Variants in CDH18 observed in about 807,000 individuals in gnomAD.
CDH18 encodes the protein cadherin 18, also known as cadherin-18.
Under a neutral mutation model 67.9 loss-of-function variants are expected in CDH18, and 31 were observed. That is an observed-to-expected ratio of 0.46 (90% CI 0.34 to 0.62). CDH18 has a LOEUF of 0.62. Ranked by LOEUF, CDH18 falls within the 20% of genes least tolerant of loss-of-function variation. The pLI is 0.01. For missense variants in CDH18, 890 were observed against 975.5 expected (o/e 0.91, Z 1.17); for synonymous variants, 362 against 347.2 (o/e 1.04, Z -0.48).
chr5:19,865,638 A>C (rs1785398820), intron 2 of CDH18, among the ~76,000 whole-genome samples: 1 of 151,982 alleles, frequency 6.6e-6, no homozygotes, highest in South Asian at 2.1e-4. Flanking sequence ...CCAGGTGCTT[A>C]ATGCTCATTA....
chr5:19,853,981 A>G (rs921745712), intron 2 of CDH18, among the ~76,000 whole-genome samples: 2 of 152,130 alleles, frequency 1.3e-5, no homozygotes, highest in Non-Finnish European at 2.9e-5. Context: ...CGTGGCACAA[A>G]TGTGATAAGC....
At chr5:20,415,907 C>T (rs1747266154) in intron 1 of CDH18, among the ~76,000 whole-genome samples, 1 of 152,100 alleles carries the variant, frequency 6.6e-6, no homozygotes, top group African/African-American at 2.4e-5. Context: ...AAATGCTACA[C>T]TATTCCATTT....
chr5:19,823,269 G>A (rs985940228), intron 3 of CDH18, among the ~76,000 whole-genome samples: 4 of 152,110 alleles, frequency 2.6e-5, no homozygotes, highest in Non-Finnish European at 5.9e-5. Flanking sequence ...CAAAAATGAT[G>A]GGATTAAGAG....
intron 2 of CDH18, among the ~76,000 whole-genome samples, chr5:19,843,949 T>G (rs1782633794): frequency 1.3e-5 from 2 of 152,216 alleles, no homozygotes; most frequent in African/African-American, 4.8e-5. Flanking sequence ...AAAGATTGAT[T>G]CTTATTCAAA....
chr5:19,847,353 T>A (rs1306512384), intron 2 of CDH18, among the ~76,000 whole-genome samples: 1 of 152,118 alleles, frequency 6.6e-6, no homozygotes, highest in African/African-American at 2.4e-5. Context: ...ATGGCCTGTC[T>A]TTAAGTTATC....
intron 1 of CDH18, among the ~76,000 whole-genome samples, chr5:20,310,134 C>T (rs1027704164): frequency 2.0e-5 from 3 of 152,026 alleles, no homozygotes; most frequent in African/African-American, 7.2e-5. Flanking sequence ...TCAATAAATT[C>T]AATAACTGAA....
intron 4 of CDH18, among the ~76,000 whole-genome samples, chr5:19,744,983 A>T (rs930542334): frequency 2.0e-5 from 3 of 152,146 alleles, no homozygotes; most frequent in Non-Finnish European, 4.4e-5. Flanking sequence ...TATTCACTTC[A>T]AGAAAAATTA....
intron 1 of CDH18, among the ~76,000 whole-genome samples, chr5:20,309,636 T>C (rs1736811060): frequency 6.6e-6 from 1 of 152,184 alleles, no homozygotes; most frequent in Non-Finnish European, 1.5e-5. Context: ...CTAGTTAACA[T>C]ATCACTACAT....
Position 19,741,328 on chromosome 5 carries a change from TCTCACACACA to T in CDH18, c.523+5604_523+5613del, listed in dbSNP as rs1561197314. Among the ~76,000 whole-genome samples, 3 of 38,256 alleles carry T rather than the reference TCTCACACACA, an allele frequency of 7.8e-5. No individual in the cohort carries two copies. The Admixed American group carries it at 1.5e-3, about 19-fold the overall frequency. 25.1% of individuals were successfully genotyped at this position (38,256 alleles called of 152,430 possible). A position where few individuals can be genotyped will look rare whatever the true frequency, so the allele number is the denominator to read the frequency against. On this transcript the variant is annotated intron_variant, in intron 4 of 12. Transcript: ENST00000382275. ...ACATATATACATGTGTATATACATG[TCTCACACACA>T]CACACACACACACACACACACACAT... is the stretch of plus-strand genomic sequence containing the variant.
rs547059875 is a variant in CDH18 at position 20,018,998 on chromosome 5, C to T, written c.-517-26984G>A. 8.4e-3 allele frequency among the ~76,000 whole-genome samples: 1,216 copies of T among 144,190 alleles called. 25 individuals are homozygous for T. The highest frequency in any genetic ancestry group is 0.047 in the Middle Eastern group (13 of 278). The allele number at this position is 144,190 out of a possible 152,430, so 94.6% of individuals were successfully genotyped here. A position where few individuals can be genotyped will look rare whatever the true frequency, so the allele number is the denominator to read the frequency against. On this transcript the variant is annotated intron_variant, in intron 2 of 14. Coordinates refer to the CDH18 transcript ENST00000507958. ...ATTTTTAGTAGAGACGGGGTTTCAC[C>T]GTGTTAGCCAGGATGGTCTCAATCT...
chr5:19,910,955 T>G (rs923299987), intron 2 of CDH18, among the ~76,000 whole-genome samples: 1 of 152,142 alleles, frequency 6.6e-6, no homozygotes, highest in African/African-American at 2.4e-5. Flanking sequence ...ACATCTGAGC[T>G]GATGTGTTAA....
chr5:20,330,838 A>G (rs1194797369), intron 1 of CDH18, among the ~76,000 whole-genome samples: 1 of 152,138 alleles, frequency 6.6e-6, no homozygotes, highest in Non-Finnish European at 1.5e-5. Flanking sequence ...TGCCAAGTGT[A>G]TTTTACTTCT....
rs553129352 is a variant in CDH18, at chr5:19,655,033, G to A, written c.644-42432C>T. Among the ~76,000 whole-genome samples the A allele has an allele frequency of 3.9e-5, 6 of 152,238 alleles. No individual in the cohort carries two copies. In the East Asian group the frequency reaches 1.2e-3, roughly 30 times the overall value. ...ATAGGGGGGTGTGGCAGGCCCAAAA[G>A]CAACATTTAGGCACAAAAGCTGGAA... On this transcript the variant is annotated intron_variant, in intron 5 of 12. Transcript: ENST00000382275.
intron 4 of CDH18, among the ~76,000 whole-genome samples, chr5:19,722,545 C>A (rs1054050256): frequency 6.7e-6 from 1 of 150,172 alleles, no homozygotes; most frequent in Admixed American, 6.7e-5. Flanking sequence ...ACACGATTTG[C>A]ATAATTAGAT....
At chr5:20,452,677 T>A (rs1026419727) in intron 1 of CDH18, among the ~76,000 whole-genome samples, 5 of 151,926 alleles carry the variant, frequency 3.3e-5, no homozygotes, top group African/African-American at 1.2e-4. Flanking sequence ...AGTACCTGAG[T>A]GATGAAATAA....
chr5:19,942,062 A>C (rs557358103), intron 2 of CDH18, among the ~76,000 whole-genome samples: 3 of 152,152 alleles, frequency 2.0e-5, no homozygotes, highest in African/African-American at 4.8e-5. Flanking sequence ...TCAGGAAAGC[A>C]GACTTCAAAA....
chr5:20,169,626 C>G (rs1736545429), intron 2 of CDH18, among the ~76,000 whole-genome samples: 1 of 152,086 alleles, frequency 6.6e-6, no homozygotes, highest in African/African-American at 2.4e-5. Flanking sequence ...GTTAATTTAG[C>G]TCTTTATCCA....
intron 8 of CDH18, among the ~76,000 whole-genome samples, chr5:19,547,862 T>C (rs1008497964): frequency 5.3e-5 from 8 of 152,154 alleles, no homozygotes; most frequent in Non-Finnish European, 1.0e-4. Flanking sequence ...TAGAACTAAA[T>C]AGTTCTGCCT....
chr5:19,636,371 A>T (rs1051738329), intron 5 of CDH18, among the ~76,000 whole-genome samples: 1 of 152,070 alleles, frequency 6.6e-6, no homozygotes. Context: ...TAAAAAAAAC[A>T]TGCATCAAAA....
Sources: allele counts gnomAD v4.1 joint callset (sites outside exome capture counted in the v4.1 genomes callset), GRCh38; gene constraint gnomAD v4.1.1; transcripts MANE v1.5; gene names NCBI Gene and HGNC (gene_info 2026-07-23, HGNC 2026-07-21).